The following STRN3 variants were observed in gnomAD, a reference collection of about 807,000 sequenced individuals.
The protein encoded by STRN3 is striatin 3.
In STRN3, 29 loss-of-function variants were observed where a neutral mutation model predicts 95.6. The observed-to-expected ratio is 0.30, with a 90% CI of 0.23 to 0.41. STRN3 has a LOEUF of 0.41. STRN3 is among the 10% of genes least tolerant of loss of function. The probability of loss-of-function intolerance (pLI) is 1.00; values close to 1 mark genes in which losing one functional copy is unlikely to be tolerated. For synonymous variants in STRN3, 331 were observed against 357.6 expected (o/e 0.93, Z 0.84); for missense variants, 890 against 972.1 (o/e 0.92, Z 1.12).
At chr14:31,019,838 C>T (rs1283873555) in intron 1 of STRN3, among the ~76,000 whole-genome samples, 3 of 151,730 alleles carry the variant, frequency 2.0e-5, no homozygotes, top group East Asian at 3.9e-4. Context: ...CTGATGTTAC[C>T]TATATTACTT....
chr14:30,904,290 C>G (rs2138962287), intron 15 of STRN3, among the ~76,000 whole-genome samples: 1 of 152,288 alleles, frequency 6.6e-6, no homozygotes, highest in Non-Finnish European at 1.5e-5. Flanking sequence ...CAGGAGCCAA[C>G]ATGAGCCCCA....
intron 1 of STRN3, among the ~76,000 whole-genome samples, chr14:31,021,472 A>T (rs1261047331): frequency 6.6e-6 from 1 of 152,204 alleles, no homozygotes; most frequent in East Asian, 1.9e-4. Flanking sequence ...TGAATACTGA[A>T]ATACTGAAGC....
chr14:30,907,643 G>GAGTACAGTGGCATGGTCAC (rs1322860746), intron 13 of STRN3, among the ~76,000 whole-genome samples: 2 of 152,124 alleles, frequency 1.3e-5, no homozygotes, highest in Non-Finnish European at 2.9e-5. Context: ...ACCCAGGCTG[G>GAGTACAGTGGCATGGTCAC]AGTACAGTGG....
chr14:30,951,039 A>T, intron 3 of STRN3, 95 bp from the exon 4 acceptor site: 1 of 1,034,678 alleles, frequency 9.7e-7, no homozygotes, highest in South Asian at 1.4e-5. Context: ...ATAAAAACAT[A>T]CCTATTTTAT....
At chr14:30,926,366 AAAT>A (rs1444517114) in intron 8 of STRN3, among the ~76,000 whole-genome samples, 4 of 152,044 alleles carry the variant, frequency 2.6e-5, no homozygotes, top group Non-Finnish European at 5.9e-5. Context: ...AAACATTAAG[AAAT>A]AATGAGTTAA....
chr14:30,939,548 T>G (rs1174109737), intron 5 of STRN3, among the ~76,000 whole-genome samples: 3 of 152,152 alleles, frequency 2.0e-5, no homozygotes, highest in Non-Finnish European at 2.9e-5. Context: ...TTGGGGATCA[T>G]GAGTATCGTC....
chr14:31,013,606 A>G (rs957646864), intron 1 of STRN3, among the ~76,000 whole-genome samples: 3 of 151,894 alleles, frequency 2.0e-5, no homozygotes, highest in Admixed American at 2.0e-4. Context: ...TTCAAAATAT[A>G]ATTTTTTTTA....
chr14:30,952,061 T>C (rs557536346), intron 3 of STRN3, among the ~76,000 whole-genome samples: 2 of 151,292 alleles, frequency 1.3e-5, no homozygotes, highest in African/African-American at 2.4e-5. Flanking sequence ...AAGGTTGCAG[T>C]GAGCCAAGAT....
At chr14:30,941,956 C>T (rs955158729) in intron 5 of STRN3, among the ~76,000 whole-genome samples, 1 of 152,186 alleles carries the variant, frequency 6.6e-6, no homozygotes, top group Admixed American at 6.5e-5. Flanking sequence ...TAAACCAATT[C>T]TCTATTCATA....
At chr14:30,903,678 C>A (rs1252988814) in intron 15 of STRN3, among the ~76,000 whole-genome samples, 1 of 152,202 alleles carries the variant, frequency 6.6e-6, no homozygotes, top group Admixed American at 6.5e-5. Context: ...AGATTACAGG[C>A]ATGAGCCAAT....
chr14:30,997,010 CAAT>C (rs1184017247), intron 1 of STRN3, among the ~76,000 whole-genome samples: 2 of 150,824 alleles, frequency 1.3e-5, no homozygotes, highest in Non-Finnish European at 3.0e-5. Context: ...AAGTAATAGA[CAAT>C]AAAAAAAAAA....
At chr14:30,926,738 A>T (rs1878199776) in intron 8 of STRN3, among the ~76,000 whole-genome samples, 1 of 152,152 alleles carries the variant, frequency 6.6e-6, no homozygotes, top group Non-Finnish European at 1.5e-5. Context: ...AATCAAAATT[A>T]AAGTGGAATG....
chr14:30,924,287 C>CTTTTTTTTTTTTTTTTTTTTTTT (rs71112354), intron 8 of STRN3, among the ~76,000 whole-genome samples: 1 of 77,244 alleles, frequency 1.3e-5, no homozygotes, highest in Non-Finnish European at 2.2e-5. Context: ...TGCCTTAAAT[C>CTTTTTTTTTTTTTTTTTTTTTTT]TTTTTTTTTT....
chr14:31,013,349 G>A (rs1883058258), intron 1 of STRN3, among the ~76,000 whole-genome samples: 1 of 151,880 alleles, frequency 6.6e-6, no homozygotes, highest in Admixed American at 6.6e-5. Context: ...CTCCAGCCTG[G>A]GCAAAAGAGT....
rs1210706041 is a variant in STRN3, at chr14:30,906,830, A to AT, written c.1888+46dup. Reference sequence around the variant, plus strand: ...ATTACTTTGTCCTTTATATATTCCAATTTTTTAAAAAAACTAACTTTTCTC... The same window carrying AT: ...ATTACTTTGTCCTTTATATATTCCAATTTTTTTAAAAAAACTAACTTTTCTC... On this transcript the variant is annotated intron_variant, in intron 14 of 17. Coordinates refer to ENST00000357479, the MANE Select transcript of STRN3 (RefSeq NM_001083893.2). 1.9e-6 allele frequency: 3 copies of AT among 1,569,804 alleles called. No homozygotes were observed. The African/African-American group carries it at 4.1e-5, about 21-fold the overall frequency.
At chr14:31,015,039 G>C (rs1422296838) in intron 1 of STRN3, among the ~76,000 whole-genome samples, 1 of 152,190 alleles carries the variant, frequency 6.6e-6, no homozygotes, top group Non-Finnish European at 1.5e-5. Flanking sequence ...ATGTTGGCCA[G>C]ACTGGTCTCA....
intron 8 of STRN3, among the ~76,000 whole-genome samples, chr14:30,920,512 C>T (rs1300742689): frequency 6.6e-6 from 1 of 152,122 alleles, no homozygotes; most frequent in Non-Finnish European, 1.5e-5. Flanking sequence ...ACTACCACCA[C>T]CATTTATTTA....
At chr14:31,018,707 G>T (rs1475819684) in intron 1 of STRN3, 2 of 453,776 alleles carry the variant, frequency 4.4e-6, no homozygotes, top group African/African-American at 4.1e-5. Context: ...TGATAAACTT[G>T]CAAAAAAAGC....
chr14:30,926,463 G>A (rs1382167311), intron 8 of STRN3, among the ~76,000 whole-genome samples: 1 of 151,910 alleles, frequency 6.6e-6, no homozygotes, highest in African/African-American at 2.4e-5. Flanking sequence ...ATGAATATGT[G>A]CCAAATAAAT....
Sources: gnomAD v4.1 joint callset for allele counts (sites outside exome capture counted in the v4.1 genomes callset) on GRCh38, gnomAD v4.1.1 for gene constraint, MANE v1.5 for transcripts, NCBI Gene and HGNC (gene_info 2026-07-23, HGNC 2026-07-21) for gene names.